PTPN3: variants seen among roughly 807,000 people sequenced by gnomAD.
PTPN3 encodes protein tyrosine phosphatase non-receptor type 3.
Under a neutral mutation model 132.7 loss-of-function variants are expected in PTPN3, and 96 were observed. The observed-to-expected ratio is 0.72, with a 90% CI of 0.61 to 0.86. The LOEUF (loss-of-function observed/expected upper bound fraction) is 0.86. PTPN3 is among the 40% of genes least tolerant of loss of function. PTPN3 has a pLI of 0.00. For synonymous variants in PTPN3, 398 were observed against 429.0 expected (o/e 0.93, Z 0.89); for missense variants, 1,125 against 1,159.6 (o/e 0.97, Z 0.43).
At chr9:109,453,605 T>C (rs1271030854) in intron 5 of PTPN3, among the ~76,000 whole-genome samples, 1 of 152,208 alleles carries the variant, frequency 6.6e-6, no homozygotes, top group Non-Finnish European at 1.5e-5. Flanking sequence ...CACAGCCCTC[T>C]TTCCCTTATC....
At chr9:109,407,369 C>A (rs1397411058) in intron 17 of PTPN3, among the ~76,000 whole-genome samples, 4 of 151,824 alleles carry the variant, frequency 2.6e-5, no homozygotes, top group African/African-American at 9.7e-5. Context: ...AGAGCAAGAG[C>A]GAGACCCTGT....
In PTPN3 at chr9:109,403,897, G is replaced by T. The variant is rs570802599; in HGVS notation, c.1953+551C>A. 5.3e-5 allele frequency among the ~76,000 whole-genome samples: 8 copies of T among 152,278 alleles called. No homozygotes were observed. In the East Asian group the frequency reaches 1.5e-3, roughly 29 times the overall value. ...TCCCCTGGGGAAGATGGGGGTTTGA[G>T]TTTGGTTTCTTACTTGTGTTTATAG... is the stretch of plus-strand genomic sequence containing the variant. On this transcript the variant is annotated intron_variant, in intron 19 of 25. Coordinates refer to ENST00000374541, the MANE Select transcript of PTPN3 (RefSeq NM_002829.4).
Position 109,379,438 on chromosome 9 carries a change from G to T in PTPN3, c.*118C>A. On this transcript the variant is annotated 3_prime_UTR_variant, in exon 26 of 26. Coordinates refer to ENST00000374541, the MANE Select transcript of PTPN3 (RefSeq NM_002829.4). ...TAGAAGTTTAAAGTGCCTGGGTTCA[G>T]AGGTGCCCATTCCTTTCCCACAGCT... is the stretch of plus-strand genomic sequence containing the variant. 1 of 852,244 alleles carries T rather than the reference G, an allele frequency of 1.2e-6. No individual in the cohort carries two copies. The allele number at this position is 852,244 out of a possible 1,614,324, so 52.8% of individuals were successfully genotyped here.
the PTPN3 span, among the ~76,000 whole-genome samples, chr9:109,527,139 A>G: frequency 6.6e-6 from 1 of 152,244 alleles, no homozygotes; most frequent in Non-Finnish European, 1.5e-5. Context: ...CATGAGAGAA[A>G]AACTTGATAA....
intron 14 of PTPN3, among the ~76,000 whole-genome samples, chr9:109,412,406 G>A (rs192235426): frequency 2.7e-5 from 4 of 149,380 alleles, no homozygotes; most frequent in South Asian, 2.1e-4. Context: ...TCAAAGTCTC[G>A]CTCTGTTGCT....
rs779970828 is a variant in PTPN3 at position 109,433,120 on chromosome 9, C to A, written c.717G>T (p.Ala239=). ...NLDLMIGIAS[A]GVAVYRKYIC... is the part of the protein sequence containing the mutation. ...TGTATTTTCGGTACACAGCAACACC[C>A]GCGGAAGCAATTCCAATCATTAGGT... Residue 239 remains alanine (A), a synonymous_variant, in exon 10 of 26, where the codon GCG becomes GCT. Coordinates refer to ENST00000374541, the MANE Select transcript of PTPN3 (RefSeq NM_002829.4). The A allele has an allele frequency of 6.2e-7, 1 of 1,614,076 alleles. No individual in the cohort carries two copies. Among genetic ancestry groups the A allele is most frequent in the Non-Finnish European group, 8.5e-7 (1 of 1,180,004 alleles).
the PTPN3 span, among the ~76,000 whole-genome samples, chr9:109,519,827 C>T: frequency 6.6e-6 from 1 of 152,116 alleles, no homozygotes; most frequent in Non-Finnish European, 1.5e-5. Flanking sequence ...TGAACAATGC[C>T]CAGTTTGACA....
intron 5 of PTPN3, among the ~76,000 whole-genome samples, chr9:109,453,991 G>C (rs756867127): frequency 6.6e-6 from 1 of 151,994 alleles, no homozygotes; most frequent in Non-Finnish European, 1.5e-5. Flanking sequence ...CTCCAGCCAG[G>C]GTGAAGAGAG....
chr9:109,525,332 A>G, the PTPN3 span, among the ~76,000 whole-genome samples: 1 of 152,232 alleles, frequency 6.6e-6, no homozygotes, highest in Non-Finnish European at 1.5e-5. Flanking sequence ...TGCTAGGATT[A>G]CAGGCGTGAG....
At chr9:109,480,779 C>T (rs1270026869) in intron 1 of PTPN3, among the ~76,000 whole-genome samples, 1 of 152,160 alleles carries the variant, frequency 6.6e-6, no homozygotes, top group Non-Finnish European at 1.5e-5. Flanking sequence ...TCTGGCAGAG[C>T]TAACATCCCT....
chr9:109,533,106 C>G, the PTPN3 span, among the ~76,000 whole-genome samples: 1 of 145,530 alleles, frequency 6.9e-6, no homozygotes, highest in Admixed American at 6.9e-5. Flanking sequence ...CATACAGGCG[C>G]CCACCACCAT....
At chr9:109,502,286 G>C (rs1847872446), upstream of PTPN3, among the ~76,000 whole-genome samples, 1 of 152,202 alleles carries the variant, frequency 6.6e-6, no homozygotes, top group African/African-American at 2.4e-5. Context: ...ATCAAGACTT[G>C]GGAAGTCTGC....
chr9:109,395,741 T>C (rs551890358), intron 19 of PTPN3, among the ~76,000 whole-genome samples: 136 of 152,060 alleles, frequency 8.9e-4, no homozygotes, highest in African/African-American at 3.2e-3. Flanking sequence ...GAGCCAATAT[T>C]GTGCCACTGC....
chr9:109,509,702 A>G, the PTPN3 span, among the ~76,000 whole-genome samples: 1 of 152,230 alleles, frequency 6.6e-6, no homozygotes. Context: ...TGTGCATAAT[A>G]CTAGCACATA....
At chr9:109,489,492 TGACCA>T (rs1847361126) in intron 1 of PTPN3, among the ~76,000 whole-genome samples, 1 of 152,154 alleles carries the variant, frequency 6.6e-6, no homozygotes, top group South Asian at 2.1e-4. Context: ...AATCCGGACG[TGACCA>T]CACGTCCGGA....
rs1847181507 is a variant in PTPN3, at chr9:109,485,810, GGA to G, written c.-18+12407_-18+12408del. On this transcript the variant is annotated intron_variant, in intron 1 of 25. Coordinates refer to ENST00000374541, the MANE Select transcript of PTPN3 (RefSeq NM_002829.4). ...CCTTTGCAGTGTGTACCTCTTTAAA[GGA>G]AAAACATTCTCAAGATCCACCCCCG... Among the ~76,000 whole-genome samples the G allele has an allele frequency of 2.0e-5, 3 of 152,268 alleles. No individual in the cohort carries two copies. The South Asian group carries it at 6.2e-4, about 32-fold the overall frequency.
At chr9:109,471,191 G>A (rs1846363548) in intron 1 of PTPN3, among the ~76,000 whole-genome samples, 1 of 152,128 alleles carries the variant, frequency 6.6e-6, no homozygotes, top group South Asian at 2.1e-4. Context: ...CGAGTAGCTG[G>A]GGCTACAGGC....
intron 1 of PTPN3, among the ~76,000 whole-genome samples, chr9:109,465,181 C>T (rs1022142044): frequency 2.0e-5 from 3 of 152,120 alleles, no homozygotes; most frequent in South Asian, 2.1e-4. Context: ...CTGGTTTAAC[C>T]GGTGATTTCA....
chr9:109,405,345 G>A (rs1039262758), intron 18 of PTPN3, among the ~76,000 whole-genome samples: 1 of 152,178 alleles, frequency 6.6e-6, no homozygotes, highest in African/African-American at 2.4e-5. Context: ...GAGCAGAGCC[G>A]AGGCAGGAGC....
Sources: allele counts gnomAD v4.1 joint callset (sites outside exome capture counted in the v4.1 genomes callset), GRCh38; gene constraint gnomAD v4.1.1; transcripts MANE v1.5; gene names NCBI Gene and HGNC (gene_info 2026-07-23, HGNC 2026-07-21).